Variants in SNTG1 observed in about 807,000 individuals in gnomAD.
SNTG1 encodes syntrophin gamma 1.
SNTG1 carries 39 observed loss-of-function variants against 74.7 expected under a neutral mutation model. That is an observed-to-expected ratio of 0.52 (90% CI 0.40 to 0.68). The LOEUF (loss-of-function observed/expected upper bound fraction) is 0.68. SNTG1 is among the 30% of genes least tolerant of loss of function. SNTG1 has a pLI of 0.00. For missense variants in SNTG1, 685 were observed against 609.5 expected (o/e 1.12, Z -1.30); for synonymous variants, 254 against 217.1 (o/e 1.17, Z -1.49).
At chr8:50,624,634 A>G (rs2094945170) in intron 13 of SNTG1, among the ~76,000 whole-genome samples, 1 of 152,176 alleles carries the variant, frequency 6.6e-6, no homozygotes, top group African/African-American at 2.4e-5. Flanking sequence ...TTATTGAGCT[A>G]TAGCACTCTA....
chr8:50,463,921 A>G (rs2093588274), intron 8 of SNTG1, among the ~76,000 whole-genome samples: 1 of 152,142 alleles, frequency 6.6e-6, no homozygotes, highest in South Asian at 2.1e-4. Flanking sequence ...ATTTATCTTC[A>G]CTAGATTTCT....
chr8:50,276,689 A>C (rs1460437), intron 2 of SNTG1, among the ~76,000 whole-genome samples: 90,132 of 151,902 alleles, frequency 0.59, 29,421 homozygotes, highest in East Asian at 0.85. Flanking sequence ...CTGAAGTATT[A>C]AATATCAAAA....
intron 17 of SNTG1, among the ~76,000 whole-genome samples, chr8:50,731,636 A>G (rs1189160811): frequency 6.6e-6 from 1 of 152,104 alleles, no homozygotes; most frequent in East Asian, 1.9e-4. Context: ...CCTCAGAGCC[A>G]GCTATAAGGC....
intron 13 of SNTG1, among the ~76,000 whole-genome samples, chr8:50,592,158 T>C (rs2094696130): frequency 6.6e-6 from 1 of 152,130 alleles, no homozygotes; most frequent in Non-Finnish European, 1.5e-5. Context: ...AGAGGGAAAA[T>C]GTCATTAATA....
chr8:50,690,966 CTCT>C (rs1475425014), intron 15 of SNTG1, among the ~76,000 whole-genome samples: 1 of 152,150 alleles, frequency 6.6e-6, no homozygotes, highest in Non-Finnish European at 1.5e-5. Flanking sequence ...GGATAGTTAG[CTCT>C]TCTTGTTGAA....
At chr8:50,057,434 A>G (rs1820119479) in intron 1 of SNTG1, among the ~76,000 whole-genome samples, 1 of 151,504 alleles carries the variant, frequency 6.6e-6, no homozygotes, top group South Asian at 2.1e-4. Flanking sequence ...TTTGTTTTTC[A>G]TCTTTCTAAC....
chr8:49,941,116 C>A (rs1371225854), intron 1 of SNTG1, among the ~76,000 whole-genome samples: 3 of 152,116 alleles, frequency 2.0e-5, no homozygotes, highest in African/African-American at 7.2e-5. Context: ...AGTCCTGTAG[C>A]ACTCTGCATT....
intron 2 of SNTG1, among the ~76,000 whole-genome samples, chr8:50,342,557 CA>C (rs2091348768): frequency 6.6e-6 from 1 of 152,094 alleles, no homozygotes; most frequent in Admixed American, 6.5e-5. Flanking sequence ...ATTTTGGCTT[CA>C]AGTATTTAAA....
At chr8:50,203,651 A>G (rs571346316) in intron 2 of SNTG1, among the ~76,000 whole-genome samples, 68 of 152,206 alleles carry the variant, frequency 4.5e-4, no homozygotes, top group African/African-American at 1.5e-3. Context: ...GGCATTTGTA[A>G]TGGTTCTGAG....
intron 1 of SNTG1, among the ~76,000 whole-genome samples, chr8:50,041,191 T>C (rs1416935917): frequency 6.6e-6 from 1 of 152,102 alleles, no homozygotes; most frequent in East Asian, 1.9e-4. Flanking sequence ...CCACCACACC[T>C]GGCCAAGGAG....
intron 18 of SNTG1, among the ~76,000 whole-genome samples, chr8:50,777,452 T>A (rs1057168389): frequency 8.0e-5 from 12 of 150,744 alleles, no homozygotes; most frequent in African/African-American, 2.7e-4. Context: ...TCTAAAATTA[T>A]TATTGTATTC....
rs374240854 is a variant in SNTG1 at position 50,604,422 on chromosome 8, G to C, written c.849+13505G>C. Among the ~76,000 whole-genome samples, 355 of 146,176 alleles carry C rather than the reference G, an allele frequency of 2.4e-3. 3 individuals carry two copies. Among genetic ancestry groups the C allele is most frequent in the African/African-American group, 8.2e-3 (313 of 38,030 alleles). On this transcript the variant is annotated intron_variant, in intron 13 of 18. Coordinates refer to ENST00000642720, the MANE Select transcript of SNTG1 (RefSeq NM_018967.5). ...CAGAGGAAGACCCTCTTTCAAAAAA[G>C]AAAGAAAAAAAAAAAGAAAACCTTA... is the stretch of plus-strand genomic sequence containing the variant.
intron 2 of SNTG1, among the ~76,000 whole-genome samples, chr8:50,371,458 A>T (rs142990762): frequency 6.6e-6 from 1 of 152,266 alleles, no homozygotes; most frequent in East Asian, 1.9e-4. Flanking sequence ...CACTGTGATC[A>T]GTTGGCAGGG....
chr8:50,036,953 G>A (rs530204389), intron 1 of SNTG1, among the ~76,000 whole-genome samples: 4 of 152,162 alleles, frequency 2.6e-5, no homozygotes, highest in Admixed American at 6.5e-5. Context: ...TATATAATCT[G>A]CAATCTCTGG....
Position 50,385,699 on chromosome 8 carries a change from A to G in SNTG1, c.-27-8513A>G, listed in dbSNP as rs544866734. On this transcript the variant is annotated intron_variant, in intron 2 of 18. Coordinates refer to ENST00000642720, the MANE Select transcript of SNTG1 (RefSeq NM_018967.5). Reference sequence around the variant, plus strand: ...TATATTGCTGTCCTGGCCAGCTGAAAGCAAACTGCTTCTGATGGGCCTTAT... The same window carrying G: ...TATATTGCTGTCCTGGCCAGCTGAAGGCAAACTGCTTCTGATGGGCCTTAT... Among the ~76,000 whole-genome samples the G allele has an allele frequency of 7.9e-5, 12 of 152,322 alleles. No homozygotes were observed. In the East Asian group the frequency reaches 1.7e-3, roughly 22 times the overall value.
chr8:50,718,195 G>A (rs2095479337), intron 17 of SNTG1, among the ~76,000 whole-genome samples: 2 of 152,114 alleles, frequency 1.3e-5, no homozygotes, highest in African/African-American at 4.8e-5. Flanking sequence ...GTCTAAGTAG[G>A]CACACGGTGA....
chr8:50,348,931 A>C (rs1209250885), intron 2 of SNTG1, among the ~76,000 whole-genome samples: 1 of 152,178 alleles, frequency 6.6e-6, no homozygotes, highest in Non-Finnish European at 1.5e-5. Flanking sequence ...ATACATGCAT[A>C]TGATTACAAC....
At chr8:49,938,159 A>G (rs1808256948) in intron 1 of SNTG1, among the ~76,000 whole-genome samples, 1 of 152,088 alleles carries the variant, frequency 6.6e-6, no homozygotes, top group African/African-American at 2.4e-5. Flanking sequence ...ATTAACCTCC[A>G]TTGGCTACCC....
chr8:50,196,714 C>T (rs533409810), intron 2 of SNTG1, among the ~76,000 whole-genome samples: 3 of 150,808 alleles, frequency 2.0e-5, no homozygotes, highest in Non-Finnish European at 2.9e-5. Flanking sequence ...CCCAGGACTT[C>T]GAGAAGCTGA....
Sources: gnomAD v4.1 joint callset for allele counts (sites outside exome capture counted in the v4.1 genomes callset) on GRCh38, gnomAD v4.1.1 for gene constraint, MANE v1.5 for transcripts, NCBI Gene and HGNC (gene_info 2026-07-23, HGNC 2026-07-21) for gene names.